Variants in PTPRG observed in about 807,000 individuals in gnomAD.
PTPRG encodes receptor-type tyrosine-protein phosphatase gamma.
Under a neutral mutation model 165.3 loss-of-function variants are expected in PTPRG, and 102 were observed. The observed-to-expected ratio is 0.62, with a 90% CI of 0.53 to 0.73. PTPRG has a LOEUF of 0.73. Among genes scored for constraint, PTPRG ranks in the 30% least tolerant of loss-of-function variants. The pLI, the probability that PTPRG is intolerant of heterozygous loss-of-function variation, is 0.00. For synonymous variants in PTPRG, 675 were observed against 669.5 expected (o/e 1.01, Z -0.13); for missense variants, 1,866 against 1,861.4 (o/e 1.00, Z -0.05).
chr3:61,636,604 G>T (rs1205883678), intron 1 of PTPRG, among the ~76,000 whole-genome samples: 1 of 152,206 alleles, frequency 6.6e-6, no homozygotes, highest in Non-Finnish European at 1.5e-5. Flanking sequence ...TTACAGGCGT[G>T]AGCCACCACG....
intron 2 of PTPRG, among the ~76,000 whole-genome samples, chr3:61,804,052 A>G (rs1008852087): frequency 1.3e-5 from 2 of 152,224 alleles, no homozygotes; most frequent in African/African-American, 4.8e-5. Context: ...TTCGTAGTAA[A>G]GAAAAATAAT....
At chr3:62,194,098 A>G (rs1699902687) in intron 9 of PTPRG, among the ~76,000 whole-genome samples, 1 of 152,196 alleles carries the variant, frequency 6.6e-6, no homozygotes, top group African/African-American at 2.4e-5. Context: ...GAGGCTTTAC[A>G]GGTCATGGAA....
intron 2 of PTPRG, among the ~76,000 whole-genome samples, chr3:61,881,204 T>C (rs1286157063): frequency 6.6e-6 from 1 of 152,204 alleles, no homozygotes; most frequent in Non-Finnish European, 1.5e-5. Context: ...CCTTCTTCTT[T>C]CCCGATAGAT....
chr3:62,056,997 C>T (rs1700656009), intron 4 of PTPRG, among the ~76,000 whole-genome samples: 3 of 152,152 alleles, frequency 2.0e-5, no homozygotes, highest in Admixed American at 2.0e-4. Flanking sequence ...TTTTACAAAG[C>T]GAGATAGTGG....
rs1270850270 is a variant in PTPRG at position 62,102,055 on chromosome 3, T to C, written c.615+23797T>C. Among the ~76,000 whole-genome samples the C allele has an allele frequency of 2.6e-5, 4 of 152,208 alleles. No homozygotes were observed. In the East Asian group the frequency reaches 7.7e-4, roughly 29 times the overall value. On this transcript the variant is annotated intron_variant, in intron 5 of 29. Transcript: ENST00000474889. ...CCTATTTAAAATGTATTTGCTCGTA[T>C]CTTCCCCTATTGTTACCGTATTCCT...
intron 2 of PTPRG, among the ~76,000 whole-genome samples, chr3:61,896,977 C>T (rs1395991601): frequency 6.6e-6 from 1 of 150,392 alleles, no homozygotes; most frequent in Admixed American, 6.6e-5. Flanking sequence ...GAATACTAGT[C>T]CTTTGTTGAA....
At chr3:61,581,478 G>A (rs1700292567) in intron 1 of PTPRG, among the ~76,000 whole-genome samples, 1 of 152,162 alleles carries the variant, frequency 6.6e-6, no homozygotes, top group African/African-American at 2.4e-5. Context: ...CAGGCTGTGC[G>A]TAGCTCTGGG....
At chr3:61,588,388 T>G (rs1360685193) in intron 1 of PTPRG, among the ~76,000 whole-genome samples, 1 of 152,114 alleles carries the variant, frequency 6.6e-6, no homozygotes, top group Non-Finnish European at 1.5e-5. Flanking sequence ...ATAATTTTTT[T>G]TTTTTTATCT....
chr3:62,110,890 G>A (rs2106858073), intron 5 of PTPRG, among the ~76,000 whole-genome samples: 1 of 152,326 alleles, frequency 6.6e-6, no homozygotes, highest in Non-Finnish European at 1.5e-5. Context: ...AATGGTGTCT[G>A]AATATGCACA....
chr3:61,609,459 C>T (rs1372113962), intron 1 of PTPRG, among the ~76,000 whole-genome samples: 1 of 152,200 alleles, frequency 6.6e-6, no homozygotes, highest in African/African-American at 2.4e-5. Flanking sequence ...GTATCATCCA[C>T]AGTTTCAGGT....
At position 62,059,479 on chromosome 3, in the gene PTPRG, A is replaced by G. The variant is rs532094357; in HGVS notation, c.520-18684A>G. Among the ~76,000 whole-genome samples the G allele has an allele frequency of 5.9e-5, 9 of 152,344 alleles. No individual in the cohort carries two copies. In the South Asian group the frequency reaches 1.9e-3, roughly 32 times the overall value. On this transcript the variant is annotated intron_variant, in intron 4 of 29. Transcript: ENST00000474889. ...TATGGACCGAGACCTGGTATGAAAG[A>G]CATTTGTTTTAAAGCGTCATAGAAT... is the stretch of plus-strand genomic sequence containing the variant.
intron 2 of PTPRG, among the ~76,000 whole-genome samples, chr3:61,833,322 G>C (rs552026262): frequency 2.6e-5 from 4 of 152,266 alleles, no homozygotes; most frequent in African/African-American, 7.2e-5. Context: ...CAGTGTGCAT[G>C]TGCTTGATAT....
chr3:62,014,528 A>G (rs1458501317), intron 4 of PTPRG, among the ~76,000 whole-genome samples: 2 of 152,158 alleles, frequency 1.3e-5, no homozygotes, highest in Non-Finnish European at 2.9e-5. Flanking sequence ...TAGAGCTTCA[A>G]CTCCTGAATC....
chr3:62,108,402 C>T (rs1030038265), intron 5 of PTPRG, among the ~76,000 whole-genome samples: 10 of 152,172 alleles, frequency 6.6e-5, no homozygotes, highest in African/African-American at 2.4e-4. Context: ...GCATAGTATT[C>T]CATGGTGTAT....
At chr3:61,758,955 C>T (rs1180671168) in intron 2 of PTPRG, among the ~76,000 whole-genome samples, 4 of 152,188 alleles carry the variant, frequency 2.6e-5, no homozygotes, top group African/African-American at 4.8e-5. Flanking sequence ...AACTCAGTCA[C>T]AAGCTTAAGT....
At chr3:62,023,836 T>C (rs188561640) in intron 4 of PTPRG, among the ~76,000 whole-genome samples, 81 of 152,254 alleles carry the variant, frequency 5.3e-4, no homozygotes, top group African/African-American at 1.9e-3. Flanking sequence ...TCAGTAAATA[T>C]GAAGTTTTTC....
chr3:61,869,497 C>T (rs1406340117), intron 2 of PTPRG, among the ~76,000 whole-genome samples: 1 of 152,018 alleles, frequency 6.6e-6, no homozygotes, highest in African/African-American at 2.4e-5. Context: ...ATGTGTTTAC[C>T]CTGCGAACAT....
chr3:61,740,912 A>C (rs888591489), intron 1 of PTPRG, among the ~76,000 whole-genome samples: 5 of 149,630 alleles, frequency 3.3e-5, no homozygotes, highest in African/African-American at 7.3e-5. Flanking sequence ...AACAACTAGA[A>C]GGACCATTTA....
At chr3:61,622,006 G>A (rs1300195705) in intron 1 of PTPRG, among the ~76,000 whole-genome samples, 1 of 152,158 alleles carries the variant, frequency 6.6e-6, no homozygotes, top group African/African-American at 2.4e-5. Context: ...AGTATTTCTT[G>A]AAAGTCATCA....
Sources: gnomAD v4.1 joint callset for allele counts (sites outside exome capture counted in the v4.1 genomes callset) on GRCh38, gnomAD v4.1.1 for gene constraint, MANE v1.5 for transcripts, NCBI Gene and HGNC (gene_info 2026-07-23, HGNC 2026-07-21) for gene names.